Variants in PMS2 observed in about 807,000 individuals in gnomAD.
The protein encoded by PMS2 is mismatch repair endonuclease PMS2.
PMS2 carries 69 observed loss-of-function variants against 90.0 expected under a neutral mutation model. The observed-to-expected ratio is 0.77, with a 90% CI of 0.63 to 0.94. PMS2 has a LOEUF of 0.94. Among genes scored for constraint, PMS2 ranks in the 40% least tolerant of loss-of-function variants. The pLI is 0.00. For synonymous variants in PMS2, 332 were observed against 375.1 expected (o/e 0.89, Z 1.33); for missense variants, 966 against 1,040.2 (o/e 0.93, Z 0.98).
At chr7:5,975,982 T>C (rs1374926441) in intron 14 of PMS2, among the ~76,000 whole-genome samples, 3 of 141,138 alleles carry the variant, frequency 2.1e-5, no homozygotes, top group African/African-American at 7.5e-5. Context: ...GGCTCACGCC[T>C]GTAATCCCAG....
At chr7:5,982,312 TCTC>T (rs916675498) in intron 12 of PMS2, among the ~76,000 whole-genome samples, 59 of 152,306 alleles carry the variant, frequency 3.9e-4, no homozygotes, top group Non-Finnish European at 7.1e-4. Context: ...TTCAAGCGAT[TCTC>T]CTGCCTCAGC....
At chr7:6,001,372 TC>T (rs1035822033) in intron 5 of PMS2, among the ~76,000 whole-genome samples, 3 of 73,876 alleles carry the variant, frequency 4.1e-5, no homozygotes, top group African/African-American at 2.0e-4. Flanking sequence ...AGAGAAATAT[TC>T]TTTTTTTTTT....
At position 5,997,394 on chromosome 7, in the gene PMS2, C is replaced by A. The variant is rs373366661; in HGVS notation, c.735G>T (p.Leu245=). 1.6e-5 allele frequency: 26 copies of A among 1,591,444 alleles called. No individual in the cohort carries two copies. The African/African-American group carries it at 2.7e-4, about 16-fold the overall frequency. ...QLQSLIPFVQ[L]PPSDSVCEEY... ...CTTCACACACGGAGTCACTAGGGGGCAGCTGAACAAAAGGAATGAGGCTTT... is the reference window on the plus strand; with the variant it reads ...CTTCACACACGGAGTCACTAGGGGGAAGCTGAACAAAAGGAATGAGGCTTT... Residue 245 remains leucine (L), a synonymous_variant, in exon 7 of 15, where the codon CTG becomes CTT. Transcript: ENST00000265849.
intron 11 of PMS2, among the ~76,000 whole-genome samples, chr7:5,984,040 A>G (rs1415740184): frequency 4.0e-5 from 6 of 151,890 alleles, no homozygotes; most frequent in Admixed American, 6.6e-5. Context: ...AGGACATTTC[A>G]GTTGTTTCCA....
chr7:6,004,216 C>A (rs1295989130), intron 2 of PMS2, 158 bp from the exon 3 acceptor site: 3 of 588,092 alleles, frequency 5.1e-6, no homozygotes, highest in African/African-American at 3.8e-5. Context: ...GTTATAAAGT[C>A]CTTTCTGGCT....
At chr7:5,993,862 CAA>C (rs61677497) in intron 8 of PMS2, among the ~76,000 whole-genome samples, 10 of 38,936 alleles carry the variant, frequency 2.6e-4, no homozygotes, top group African/African-American at 6.2e-4. Context: ...GACTCTGTCT[CAA>C]AAAAAAAAAA....
intron 2 of PMS2, among the ~76,000 whole-genome samples, chr7:6,005,105 A>T (rs1184263721): frequency 1.3e-5 from 2 of 152,032 alleles, no homozygotes; most frequent in Non-Finnish European, 2.9e-5. Flanking sequence ...GGGTTTCATC[A>T]TGTTGGTTAG....
intron 11 of PMS2, among the ~76,000 whole-genome samples, chr7:5,984,106 T>A (rs1381871452): frequency 1.3e-5 from 2 of 151,898 alleles, no homozygotes; most frequent in Non-Finnish European, 2.9e-5. Flanking sequence ...AACCTACTCA[T>A]CTGTGGGTGC....
intron 7 of PMS2, among the ~76,000 whole-genome samples, chr7:5,996,942 T>C (rs892640416): frequency 6.6e-6 from 1 of 152,044 alleles, no homozygotes; most frequent in South Asian, 2.1e-4. Flanking sequence ...TAGCCAGGCG[T>C]GGTGGCTCAT....
intron 5 of PMS2, among the ~76,000 whole-genome samples, chr7:5,999,785 G>C (rs916486823): frequency 5.3e-5 from 8 of 152,006 alleles, no homozygotes; most frequent in Admixed American, 1.3e-4. Flanking sequence ...GACAGAGTGA[G>C]GCCCTATCTC....
chr7:5,979,216 A>AC (rs1233396401), intron 12 of PMS2, among the ~76,000 whole-genome samples: 1 of 143,314 alleles, frequency 7.0e-6, no homozygotes, highest in Non-Finnish European at 1.5e-5. Context: ...AAAAAAAAAA[A>AC]AAAAAAACAC....
At chr7:6,006,734 G>T (rs1057303254) in intron 1 of PMS2, among the ~76,000 whole-genome samples, 1 of 152,084 alleles carries the variant, frequency 6.6e-6, no homozygotes, top group African/African-American at 2.4e-5. Context: ...AATCATCTCA[G>T]AAATTGGGTA....
chr7:5,999,018 T>A lies in PMS2; in HGVS notation c.705+90A>T. 9 of 1,322,768 alleles carry A rather than the reference T, an allele frequency of 6.8e-6. No individual in the cohort carries two copies. In the South Asian group the frequency reaches 8.5e-5, roughly 13 times the overall value. 81.9% of individuals were successfully genotyped at this position (1,322,768 alleles called of 1,614,324 possible). A position where few individuals can be genotyped will look rare whatever the true frequency, so the allele number is the denominator to read the frequency against. ...AAAAAAAAAAAAATCAATTCTAAGA[T>A]TTTATTCTCCATTCTACTGGAAGGG... On this transcript the variant is annotated intron_variant, in intron 6 of 14. Coordinates refer to ENST00000265849, the MANE Select transcript of PMS2 (RefSeq NM_000535.7).
At chr7:5,991,196 A>G (rs1036659960) in intron 9 of PMS2, among the ~76,000 whole-genome samples, 4 of 152,236 alleles carry the variant, frequency 2.6e-5, no homozygotes, top group African/African-American at 9.6e-5. Flanking sequence ...TTCTAATAAC[A>G]TGGAAAAGAA....
At chr7:6,002,972 A>T (rs1000801363) in intron 4 of PMS2, among the ~76,000 whole-genome samples, 1 of 152,120 alleles carries the variant, frequency 6.6e-6, no homozygotes, top group Non-Finnish European at 1.5e-5. Flanking sequence ...AATTTTTTTT[A>T]AAGAATCTAA....
chr7:5,978,202 T>TA (rs1300672217), intron 13 of PMS2, among the ~76,000 whole-genome samples: 15 of 150,130 alleles, frequency 1.0e-4, no homozygotes, highest in Admixed American at 1.3e-4. Context: ...TTTATAAAAT[T>TA]AAAAAAAACT....
rs56203955 is a variant in PMS2, at chr7:6,005,966, T to C, written c.89A>G (p.Gln30Arg). Residue 30 changes from glutamine (Q) to arginine (R), a missense_variant, in exon 2 of 15, where the codon CAG becomes CGG. Around this residue, in one of 2 missense-constraint regions of PMS2, gnomAD observed 871 missense variants for 802.4 expected, o/e 1.09. Transcript: ENST00000265849. ...RKSVHQICSG[Q>R]VVLSLSTAVK... ...CGCAGTGCTTAGACTCAGTACCACC[T>C]GCCCAGAGCAAATCTGATGGACTGA... 9 of 1,610,736 alleles carry C rather than the reference T, an allele frequency of 5.6e-6. No homozygotes were observed. The highest frequency in any genetic ancestry group is 1.7e-5 in the Admixed American group (1 of 59,976).
At chr7:5,989,232 A>C (rs1234497166) in intron 10 of PMS2, among the ~76,000 whole-genome samples, 2 of 152,024 alleles carry the variant, frequency 1.3e-5, no homozygotes, top group Non-Finnish European at 2.9e-5. Flanking sequence ...AGAGTTTGAG[A>C]CCAGCCTGGG....
chr7:5,982,377 G>A (rs1319583633), intron 12 of PMS2, among the ~76,000 whole-genome samples: 4 of 152,156 alleles, frequency 2.6e-5, no homozygotes, highest in Non-Finnish European at 5.9e-5. Context: ...GGCTAATTTT[G>A]TATTTTTAGT....
Sources: allele counts gnomAD v4.1 joint callset (sites outside exome capture counted in the v4.1 genomes callset), GRCh38; gene constraint gnomAD v4.1.1; regional missense constraint gnomAD v4.1.1; transcripts MANE v1.5; gene names NCBI Gene and HGNC (gene_info 2026-07-23, HGNC 2026-07-21).